UNC5D: variants seen among roughly 807,000 people sequenced by gnomAD.
UNC5D encodes the protein unc-5 netrin receptor D, also known as netrin receptor UNC5D.
A neutral mutation model predicts 105.4 loss-of-function variants in UNC5D; 39 were observed. The observed-to-expected ratio is 0.37, with a 90% confidence interval of 0.29 to 0.48. UNC5D has a LOEUF of 0.48. Ranked by LOEUF, UNC5D falls within the 20% of genes least tolerant of loss-of-function variation. The pLI is 0.98. For missense variants in UNC5D, 991 were observed against 1,202.4 expected, an observed-to-expected ratio of 0.82 and a Z score of 2.60; for synonymous variants, 452 against 450.4, an observed-to-expected ratio of 1.00 and a Z score of -0.04.
At chr8:35,745,631 C>A (rs1352621999) in intron 11 of UNC5D, among the ~76,000 whole-genome samples, 1 of 152,196 alleles carries the variant, frequency 6.6e-6, no homozygotes, top group Non-Finnish European at 1.5e-5. Context: ...AATTATTAAA[C>A]TTCTTCTATC....
intron 4 of UNC5D, among the ~76,000 whole-genome samples, chr8:35,672,167 T>C (rs781276941): frequency 2.0e-5 from 3 of 152,216 alleles, no homozygotes; most frequent in Non-Finnish European, 2.9e-5. Flanking sequence ...CACCCATTTA[T>C]GTATGAACAT....
chr8:35,288,456 G>A (rs986633186), intron 1 of UNC5D, among the ~76,000 whole-genome samples: 2 of 152,048 alleles, frequency 1.3e-5, no homozygotes, highest in South Asian at 2.1e-4. Flanking sequence ...CTGCTTTACA[G>A]GAATTACTAA....
At chr8:35,543,402 A>G (rs986364588) in intron 1 of UNC5D, among the ~76,000 whole-genome samples, 1 of 152,202 alleles carries the variant, frequency 6.6e-6, no homozygotes, top group African/African-American at 2.4e-5. Flanking sequence ...CCAATTTTGG[A>G]TGACTGTGGG....
intron 1 of UNC5D, among the ~76,000 whole-genome samples, chr8:35,398,615 T>A (rs1258700307): frequency 2.0e-5 from 3 of 152,104 alleles, no homozygotes; most frequent in Middle Eastern, 3.2e-3. Flanking sequence ...TTTGAGAGGC[T>A]CTTCCTTAAA....
rs1269028018 is a variant in UNC5D at position 35,293,309 on chromosome 8, C to T, written c.103+57422C>T. ...CCTCTAAAAATGTCTCCATAGGCTA[C>T]TGATACTCCTTCCACCATTTGGTTG... On this transcript the variant is annotated intron_variant, in intron 1 of 16. Coordinates refer to ENST00000404895, the MANE Select transcript of UNC5D (RefSeq NM_080872.4). Among the ~76,000 whole-genome samples the T allele has an allele frequency of 2.0e-4, 31 of 152,146 alleles. 1 individual carries two copies. Among genetic ancestry groups the T allele is most frequent in the Admixed American group, 2.0e-3 (31 of 15,270 alleles).
At chr8:35,610,140 A>T (rs749795123) in intron 4 of UNC5D, among the ~76,000 whole-genome samples, 1 of 151,862 alleles carries the variant, frequency 6.6e-6, no homozygotes, top group Non-Finnish European at 1.5e-5. Flanking sequence ...AAAAAGTGCT[A>T]TGAGATGCTG....
intron 1 of UNC5D, among the ~76,000 whole-genome samples, chr8:35,361,903 A>G (rs1801874063): frequency 6.6e-6 from 1 of 152,170 alleles, no homozygotes; most frequent in Admixed American, 6.6e-5. Flanking sequence ...ATTGCATTTT[A>G]TTCAAAGGTA....
intron 4 of UNC5D, among the ~76,000 whole-genome samples, chr8:35,671,132 T>A (rs1332417707): frequency 6.6e-6 from 1 of 152,132 alleles, no homozygotes; most frequent in African/African-American, 2.4e-5. Flanking sequence ...TTCATAATAG[T>A]AAAACCATTG....
chr8:35,403,593 TA>T (rs1226221434), intron 1 of UNC5D, among the ~76,000 whole-genome samples: 1 of 152,200 alleles, frequency 6.6e-6, no homozygotes, highest in Non-Finnish European at 1.5e-5. Context: ...CATCATAACA[TA>T]AAAATCCAAG....
chr8:35,479,627 T>C (rs1432286373), intron 1 of UNC5D, among the ~76,000 whole-genome samples: 1 of 152,194 alleles, frequency 6.6e-6, no homozygotes, highest in Non-Finnish European at 1.5e-5. Flanking sequence ...AATGACATCA[T>C]GTTGTGTGCA....
At chr8:35,767,763 A>C (rs1801838895) in intron 15 of UNC5D, among the ~76,000 whole-genome samples, 1 of 152,184 alleles carries the variant, frequency 6.6e-6, no homozygotes, top group Non-Finnish European at 1.5e-5. Flanking sequence ...GGGAGGATTC[A>C]CTGGAGAACT....
In UNC5D at chr8:35,669,803, C is replaced by A. The variant is rs147187352; in HGVS notation, c.571-13744C>A. On this transcript the variant is annotated intron_variant, in intron 4 of 16. Coordinates refer to ENST00000404895, the MANE Select transcript of UNC5D (RefSeq NM_080872.4). ...AAACAGGTAAGGAAATCATCCGTCC[C>A]TTATTTATGCAGAAAAAAAAATCCA... is the stretch of plus-strand genomic sequence containing the variant. Among the ~76,000 whole-genome samples, 5 of 152,142 alleles carry A rather than the reference C, an allele frequency of 3.3e-5. No individual in the cohort carries two copies. In the East Asian group the frequency reaches 9.7e-4, roughly 29 times the overall value.
At chr8:35,451,707 C>T (rs1454246724) in intron 1 of UNC5D, among the ~76,000 whole-genome samples, 2 of 152,116 alleles carry the variant, frequency 1.3e-5, no homozygotes, top group Non-Finnish European at 2.9e-5. Flanking sequence ...ATGATGCTGT[C>T]CTCTGATTAC....
chr8:35,565,679 C>A (rs1338597179), intron 2 of UNC5D, among the ~76,000 whole-genome samples: 1 of 152,048 alleles, frequency 6.6e-6, no homozygotes, highest in Non-Finnish European at 1.5e-5. Context: ...TCTAGGTTTT[C>A]TTCTAAAATT....
chr8:35,426,389 A>C (rs368323532), intron 1 of UNC5D, among the ~76,000 whole-genome samples: 1 of 152,190 alleles, frequency 6.6e-6, no homozygotes, highest in East Asian at 1.9e-4. Context: ...AGATGTAAAA[A>C]AAACTTCTGT....
chr8:35,539,894 T>G (rs1160838111), intron 1 of UNC5D, among the ~76,000 whole-genome samples: 1 of 152,208 alleles, frequency 6.6e-6, no homozygotes, highest in Non-Finnish European at 1.5e-5. Context: ...ATAAAAAGAT[T>G]GAAAATACTT....
At chr8:35,361,922 T>C (rs577642950) in intron 1 of UNC5D, among the ~76,000 whole-genome samples, 51 of 152,286 alleles carry the variant, frequency 3.3e-4, no homozygotes, top group African/African-American at 1.1e-3. Context: ...TACACATCTT[T>C]TCATTTTAAG....
At chr8:35,723,919 A>G (rs1586533205) in intron 9 of UNC5D, among the ~76,000 whole-genome samples, 1 of 152,028 alleles carries the variant, frequency 6.6e-6, no homozygotes, top group East Asian at 1.9e-4. Flanking sequence ...TTTTACAGCT[A>G]TAAAATGGGG....
chr8:35,617,369 G>A (rs1477470019), intron 4 of UNC5D, among the ~76,000 whole-genome samples: 1 of 152,164 alleles, frequency 6.6e-6, no homozygotes, highest in South Asian at 2.1e-4. Flanking sequence ...TTTCTTCACA[G>A]GTAGAGACCT....
Sources: allele counts gnomAD v4.1 joint callset (sites outside exome capture counted in the v4.1 genomes callset), GRCh38; gene constraint gnomAD v4.1.1; transcripts MANE v1.5; gene names NCBI Gene and HGNC (gene_info 2026-07-23, HGNC 2026-07-21).